GPR158: variants seen among roughly 807,000 people sequenced by gnomAD.
GPR158 encodes the protein G protein-coupled receptor 158.
In GPR158, 30 loss-of-function variants were observed where a neutral mutation model predicts 78.2. The observed-to-expected ratio is 0.38, with a 90% confidence interval of 0.29 to 0.52. The LOEUF is 0.52. Among genes scored for constraint, GPR158 ranks in the 20% least tolerant of loss-of-function variants. The probability of loss-of-function intolerance (pLI) is 0.83; values close to 1 mark genes in which losing one functional copy is unlikely to be tolerated. For synonymous variants in GPR158, 581 were observed against 591.1 expected (o/e 0.98, Z 0.25); for missense variants, 1,463 against 1,523.5 (o/e 0.96, Z 0.66).
At position 25,466,664 on chromosome 10, in the gene GPR158, C is replaced by T. The variant is rs1335821130; in HGVS notation, c.1349C>T (p.Ser450Leu). 3 of 1,603,610 alleles carry T rather than the reference C, an allele frequency of 1.9e-6. No homozygotes were observed. The highest frequency in any genetic ancestry group is 1.7e-5 in the Admixed American group (1 of 59,008). The change falls in exon 5 of 11, where the codon TCG (serine) becomes TTG (leucine). Residue 450 changes from serine (S) to leucine (L), a missense_variant. By Grantham distance (145) the Ser-to-Leu change is moderately radical. Transcript: ENST00000376351. Reference sequence around the variant, plus strand: ...TTGTTTTTTCAGAGCATCCGGGCATCGGGCCTTATCCTGTTGGAAACGATC... The same window carrying T: ...TTGTTTTTTCAGAGCATCCGGGCATTGGGCCTTATCCTGTTGGAAACGATC... ...HFRKAKSIRA[S>L]GLILLETILF...
intron 5 of GPR158, among the ~76,000 whole-genome samples, chr10:25,491,381 T>C (rs1564470113): frequency 6.6e-6 from 1 of 152,178 alleles, no homozygotes; most frequent in Non-Finnish European, 1.5e-5. Flanking sequence ...GGAGGACATA[T>C]TTTCTACATG....
chr10:25,425,043 C>A (rs572677047), intron 4 of GPR158, among the ~76,000 whole-genome samples: 44 of 151,976 alleles, frequency 2.9e-4, no homozygotes, highest in African/African-American at 7.0e-4. Flanking sequence ...ATTTGTTTGT[C>A]TCCTCTTTTA....
At chr10:25,452,139 G>A (rs1835228103) in intron 4 of GPR158, among the ~76,000 whole-genome samples, 1 of 151,870 alleles carries the variant, frequency 6.6e-6, no homozygotes, top group African/African-American at 2.4e-5. Flanking sequence ...CTGGGCTCAA[G>A]CGATCCTCCC....
chr10:25,367,894 A>G (rs763570538), intron 2 of GPR158, among the ~76,000 whole-genome samples: 15 of 151,818 alleles, frequency 9.9e-5, no homozygotes, highest in Non-Finnish European at 2.1e-4. Flanking sequence ...GATATATGCC[A>G]ATGCCCCATA....
chr10:25,230,922 C>T (rs1011087675), intron 2 of GPR158, among the ~76,000 whole-genome samples: 15 of 151,980 alleles, frequency 9.9e-5, no homozygotes, highest in African/African-American at 3.6e-4. Context: ...AAACTGCATG[C>T]GATATTGGCT....
intron 5 of GPR158, among the ~76,000 whole-genome samples, chr10:25,543,508 A>G (rs2130705706): frequency 6.6e-6 from 1 of 152,308 alleles, no homozygotes; most frequent in African/African-American, 2.4e-5. Flanking sequence ...AAGGGGTACA[A>G]GTGCAATTTT....
intron 5 of GPR158, among the ~76,000 whole-genome samples, chr10:25,525,308 C>G (rs941517848): frequency 2.0e-5 from 3 of 152,158 alleles, no homozygotes; most frequent in African/African-American, 7.2e-5. Context: ...AGCATATGTC[C>G]ACAAAAACAC....
chr10:25,232,922 G>T (rs1379619273), intron 2 of GPR158, among the ~76,000 whole-genome samples: 1 of 152,178 alleles, frequency 6.6e-6, no homozygotes, highest in African/African-American at 2.4e-5. Flanking sequence ...AGGGAAGAGT[G>T]AATGTAATTG....
intron 4 of GPR158, among the ~76,000 whole-genome samples, chr10:25,429,401 AG>A (rs1834866704): frequency 6.6e-6 from 1 of 152,164 alleles, no homozygotes; most frequent in African/African-American, 2.4e-5. Context: ...TTTGTCAAAA[AG>A]CAAATATTTT....
chr10:25,202,057 G>A (rs914926916), intron 1 of GPR158, among the ~76,000 whole-genome samples: 1 of 151,912 alleles, frequency 6.6e-6, no homozygotes, highest in Non-Finnish European at 1.5e-5. Context: ...TATTATATTA[G>A]CTCTTCATTT....
chr10:25,358,417 C>T (rs1193870326), intron 2 of GPR158, among the ~76,000 whole-genome samples: 1 of 152,006 alleles, frequency 6.6e-6, no homozygotes, highest in Non-Finnish European at 1.5e-5. Context: ...TTTTGTAGCT[C>T]CCATAATTCC....
intron 2 of GPR158, among the ~76,000 whole-genome samples, chr10:25,301,186 G>A (rs1854588822): frequency 6.6e-6 from 1 of 152,188 alleles, no homozygotes; most frequent in South Asian, 2.1e-4. Flanking sequence ...GAGTTGGCAA[G>A]GGGAAGAATT....
intron 6 of GPR158, among the ~76,000 whole-genome samples, chr10:25,570,836 C>G (rs1206836094): frequency 6.6e-6 from 1 of 152,092 alleles, no homozygotes; most frequent in Non-Finnish European, 1.5e-5. Flanking sequence ...AGAATAATCG[C>G]TTGAACCCAG....
intron 2 of GPR158, among the ~76,000 whole-genome samples, chr10:25,323,709 GTTCT>G (rs1056630328): frequency 6.0e-5 from 9 of 150,740 alleles, no homozygotes; most frequent in African/African-American, 2.2e-4. Flanking sequence ...ATAGAGACAG[GTTCT>G]TTCTATGTTG....
chr10:25,375,924 A>T (rs1259607829), intron 2 of GPR158, among the ~76,000 whole-genome samples: 1 of 151,632 alleles, frequency 6.6e-6, no homozygotes, highest in African/African-American at 2.4e-5. Flanking sequence ...TACAAAATAT[A>T]TAGTGGGATT....
At position 25,534,178 on chromosome 10, in the gene GPR158, A is replaced by G. The variant is rs147229717; in HGVS notation, c.1405-16798A>G. Among the ~76,000 whole-genome samples, 325 of 152,216 alleles carry G rather than the reference A, an allele frequency of 2.1e-3. 3 individuals are homozygous for G. Among genetic ancestry groups the G allele is most frequent in the African/African-American group, 7.5e-3 (311 of 41,540 alleles). ...CTTCTCTATAATTATGTTGATATCT[A>G]TCATCTGTTGTCATTCTTACTGAGA... is the stretch of plus-strand genomic sequence containing the variant. On this transcript the variant is annotated intron_variant, in intron 5 of 10. Coordinates refer to ENST00000376351, the MANE Select transcript of GPR158 (RefSeq NM_020752.3).
intron 2 of GPR158, among the ~76,000 whole-genome samples, chr10:25,317,671 C>T (rs919505007): frequency 5.3e-5 from 8 of 150,412 alleles, no homozygotes; most frequent in African/African-American, 1.7e-4. Flanking sequence ...AGGTTTAAAT[C>T]AGCTGAATTG....
chr10:25,402,840 G>T (rs1052072604), intron 3 of GPR158, among the ~76,000 whole-genome samples: 1 of 151,772 alleles, frequency 6.6e-6, no homozygotes, highest in Non-Finnish European at 1.5e-5. Context: ...GGGTTAATTA[G>T]ATATTTGTGA....
At chr10:25,195,733 C>T (rs1852835284) in intron 1 of GPR158, among the ~76,000 whole-genome samples, 1 of 151,938 alleles carries the variant, frequency 6.6e-6, no homozygotes, top group Non-Finnish European at 1.5e-5. Flanking sequence ...CTTTTTTTCA[C>T]CCTATGGAAC....
Sources: allele counts gnomAD v4.1 joint callset (sites outside exome capture counted in the v4.1 genomes callset), GRCh38; gene constraint gnomAD v4.1.1; transcripts MANE v1.5; gene names NCBI Gene and HGNC (gene_info 2026-07-23, HGNC 2026-07-21).